Variants in TMSB15B observed in about 807,000 individuals in gnomAD.
TMSB15B encodes thymosin beta-15B.
At chrX:103,933,807 A>C (rs1556320362) in intron 1 of TMSB15B, among the ~76,000 whole-genome samples, 2 of 106,065 alleles carry the variant, frequency 1.9e-5, no homozygotes, top group Non-Finnish European at 3.9e-5. Context: ...GGTTGTTTGC[A>C]GGGTTTTCTT....
intron 1 of TMSB15B, among the ~76,000 whole-genome samples, chrX:103,946,816 G>A (rs1325886306): frequency 1.8e-5 from 2 of 111,623 alleles, no homozygotes; most frequent in Non-Finnish European, 3.8e-5. Context: ...CATGTCCTCA[G>A]AGTAGATAAT....
intron 1 of TMSB15B, among the ~76,000 whole-genome samples, chrX:103,944,296 A>G (rs1235641014): frequency 8.9e-6 from 1 of 112,169 alleles, no homozygotes; most frequent in Non-Finnish European, 1.9e-5. Flanking sequence ...CCAAAGTTTT[A>G]CAAGAATTAC....
intron 1 of TMSB15B, among the ~76,000 whole-genome samples, chrX:103,950,628 A>G (rs1305078790): frequency 8.2e-5 from 9 of 110,210 alleles, no homozygotes; most frequent in African/African-American, 2.0e-4. Flanking sequence ...ATATATATAT[A>G]TATAAAACAA....
intron 1 of TMSB15B, among the ~76,000 whole-genome samples, chrX:103,951,316 G>T (rs1298151719): frequency 2.0e-4 from 22 of 111,765 alleles, no homozygotes; most frequent in African/African-American, 6.2e-4. Context: ...TATGGATGCG[G>T]GTGCAGATAG....
At chrX:103,946,893 T>C (rs1432305142) in intron 1 of TMSB15B, among the ~76,000 whole-genome samples, 1 of 111,169 alleles carries the variant, frequency 9.0e-6, no homozygotes, top group Non-Finnish European at 1.9e-5. Flanking sequence ...TCGACAAACA[T>C]TGTATAATAA....
intron 1 of TMSB15B, among the ~76,000 whole-genome samples, chrX:103,939,247 G>A (rs2075006460): frequency 9.0e-6 from 1 of 111,197 alleles, no homozygotes; most frequent in African/African-American, 3.3e-5. Context: ...CGTGAAGTGT[G>A]TTTTCCAACT....
intron 1 of TMSB15B, among the ~76,000 whole-genome samples, chrX:103,941,083 G>T (rs376317034): frequency 2.7e-4 from 30 of 111,854 alleles, no homozygotes; most frequent in African/African-American, 9.7e-4. Context: ...TGGCACCTCA[G>T]TTGGAAATGC....
In TMSB15B at chrX:103,944,638, G is replaced by A. The variant is rs1602441471; in HGVS notation, c.-720-17383G>A. Among the ~76,000 whole-genome samples the A allele has an allele frequency of 2.7e-5, 3 of 111,378 alleles. No individual in the cohort carries two copies. In the South Asian group the frequency reaches 1.2e-3, roughly 43 times the overall value. Reference sequence around the variant, plus strand: ...TATGAGAAGTTACCTCCCTTCCCTAGCTCTCCATCTGCACCAGTCTAGATC... The same window carrying A: ...TATGAGAAGTTACCTCCCTTCCCTAACTCTCCATCTGCACCAGTCTAGATC... On this transcript the variant is annotated intron_variant, in intron 1 of 3. Coordinates refer to the TMSB15B transcript ENST00000419165.
chrX:103,928,570 G>A lies in TMSB15B; in HGVS notation c.-721+9278G>A. The A allele has an allele frequency of 5.1e-6, 6 of 1,179,659 alleles. No individual in the cohort carries two copies. The South Asian group carries it at 5.3e-5, about 10-fold the overall frequency. ...CTTACCCAGCACCTTCAGCATTCTT[G>A]AGGAATTCAATTCTTATGGGCTTTG... On this transcript the variant is annotated intron_variant, in intron 1 of 3. Coordinates refer to the TMSB15B transcript ENST00000419165.
chrX:103,937,512 T>G (rs782106406), intron 1 of TMSB15B, among the ~76,000 whole-genome samples: 31 of 112,100 alleles, frequency 2.8e-4, no homozygotes, highest in Non-Finnish European at 3.9e-4. Flanking sequence ...TCAGTGGTGA[T>G]CTCCCCTTTG....
Position 103,945,021 on chromosome X carries a change from A to C in TMSB15B, c.-720-17000A>C, listed in dbSNP as rs1167757354. On this transcript the variant is annotated intron_variant, in intron 1 of 3. Transcript: ENST00000419165. ...TCGAACTCCTGGCCTCAGGAGATCC[A>C]CCAGCCTCGGCCTCCCAGAGTGATG... Among the ~76,000 whole-genome samples the C allele has an allele frequency of 5.3e-5, 6 of 112,304 alleles. No homozygotes were observed. In the East Asian group the frequency reaches 1.4e-3, roughly 26 times the overall value.
chrX:103,923,492 T>G (rs1556318230), intron 1 of TMSB15B, among the ~76,000 whole-genome samples: 1 of 111,933 alleles, frequency 8.9e-6, no homozygotes, highest in Admixed American at 9.5e-5. Flanking sequence ...TTGTCAGGTT[T>G]GTCAAAGATC....
At chrX:103,947,405 G>A (rs192868209) in intron 1 of TMSB15B, among the ~76,000 whole-genome samples, 8 of 111,789 alleles carry the variant, frequency 7.2e-5, no homozygotes, top group Admixed American at 6.6e-4. Flanking sequence ...GAGGGGAGAG[G>A]TTGATAATGT....
intron 1 of TMSB15B, among the ~76,000 whole-genome samples, chrX:103,935,631 A>G (rs782069808): frequency 9.0e-6 from 1 of 111,078 alleles, no homozygotes; most frequent in African/African-American, 3.3e-5. Context: ...CAGATTTGTC[A>G]AAGATCAGAT....
At chrX:103,947,854 T>C in intron 1 of TMSB15B, among the ~76,000 whole-genome samples, 1 of 111,475 alleles carries the variant, frequency 9.0e-6, no homozygotes, top group Admixed American at 9.5e-5. Context: ...AGGAAACCTA[T>C]AAAAAAATGC....
intron 1 of TMSB15B, among the ~76,000 whole-genome samples, chrX:103,940,697 A>G (rs6621757): frequency 0.17 from 18,827 of 110,191 alleles, 1,334 homozygotes; most frequent in Non-Finnish European, 0.23. Flanking sequence ...TCCAGGCTTC[A>G]CTGGGGTATG....
chrX:103,935,926 G>A (rs1455718963), intron 1 of TMSB15B, among the ~76,000 whole-genome samples: 1 of 92,946 alleles, frequency 1.1e-5, no homozygotes. Context: ...AGCTCACCAC[G>A]ACCTCTGCCT....
chrX:103,949,983 A>G (rs2075034962), intron 1 of TMSB15B, among the ~76,000 whole-genome samples: 1 of 111,407 alleles, frequency 9.0e-6, no homozygotes, highest in Non-Finnish European at 1.9e-5. Context: ...AAGAAAGTGA[A>G]CCAAAGAGGA....
chrX:103,942,089 T>C (rs1386167921), intron 1 of TMSB15B, among the ~76,000 whole-genome samples: 1 of 112,329 alleles, frequency 8.9e-6, no homozygotes, highest in South Asian at 3.7e-4. Context: ...TGATTTCTTT[T>C]GATAAACATA....
Sources: allele counts gnomAD v4.1 joint callset (sites outside exome capture counted in the v4.1 genomes callset), GRCh38; gene constraint gnomAD v4.1.1; transcripts MANE v1.5; gene names NCBI Gene and HGNC (gene_info 2026-07-23, HGNC 2026-07-21).